LRRIQ1: variants seen among roughly 807,000 people sequenced by gnomAD.
LRRIQ1 encodes the protein leucine-rich repeat- and IQ domain-containing protein 1.
A neutral mutation model predicts 211.9 loss-of-function variants in LRRIQ1; 210 were observed. That is an observed-to-expected ratio of 0.99 (90% confidence interval 0.89 to 1.11). The LOEUF is 1.11. LRRIQ1 is among the 50% of genes most tolerant of loss of function. The pLI, the probability that LRRIQ1 is intolerant of heterozygous loss-of-function variation, is 0.00. For missense variants in LRRIQ1, 2,136 were observed against 1,939.5 expected (o/e 1.10, Z -1.90); for synonymous variants, 699 against 650.1 (o/e 1.08, Z -1.14).
intron 18 of LRRIQ1, among the ~76,000 whole-genome samples, chr12:85,131,558 G>GT (rs1473061166): frequency 6.6e-6 from 1 of 152,144 alleles, no homozygotes; most frequent in African/African-American, 2.4e-5. Context: ...AAAGGACAGT[G>GT]TAAGTAAAAT....
chr12:85,258,970 C>A (rs917469261), intron 1 of LRRIQ1, among the ~76,000 whole-genome samples: 1 of 151,702 alleles, frequency 6.6e-6, no homozygotes, highest in African/African-American at 2.4e-5. Flanking sequence ...TATATATAGA[C>A]CTTGACATTT....
the LRRIQ1 span, among the ~76,000 whole-genome samples, chr12:85,271,037 C>G: frequency 6.6e-6 from 1 of 152,136 alleles, no homozygotes; most frequent in African/African-American, 2.4e-5. Flanking sequence ...GGAAGACACT[C>G]GTGTTCTAAG....
Position 85,137,834 on chromosome 12 carries a change from T to C in LRRIQ1, c.4210-16T>C, listed in dbSNP as rs1331668376. ...GATCTATAACTTTGTATAACATACT[T>C]TACATTTTTGTTTAGGCAGTTTGGA... is the stretch of plus-strand genomic sequence containing the variant. On this transcript the variant is annotated splice_polypyrimidine_tract_variant and intron_variant, in intron 18 of 26. Transcript: ENST00000393217. 23 of 1,572,748 alleles carry C rather than the reference T, an allele frequency of 1.5e-5. No homozygotes were observed. The Middle Eastern group carries it at 6.9e-4, about 47-fold the overall frequency.
At chr12:85,221,709 A>G (rs1894409882) in intron 24 of LRRIQ1, among the ~76,000 whole-genome samples, 1 of 152,204 alleles carries the variant, frequency 6.6e-6, no homozygotes, top group African/African-American at 2.4e-5. Context: ...CATTTGGGGT[A>G]ACTACACTAT....
At position 85,207,558 on chromosome 12, in the gene LRRIQ1, G is replaced by A. The variant is rs544924122; in HGVS notation, c.4823-21959G>A. Among the ~76,000 whole-genome samples the A allele has an allele frequency of 2.6e-4, 39 of 151,974 alleles. No individual in the cohort carries two copies. The South Asian group carries it at 4.0e-3, about 15-fold the overall frequency. ...CTGAATTATCAATCATTTTTTTCATGGATTGTGCCCTTGATGTTGTATCTA... is the reference window on the plus strand; with the variant it reads ...CTGAATTATCAATCATTTTTTTCATAGATTGTGCCCTTGATGTTGTATCTA... On this transcript the variant is annotated intron_variant, in intron 24 of 26. Transcript: ENST00000393217.
intron 15 of LRRIQ1, among the ~76,000 whole-genome samples, chr12:85,119,073 A>G (rs1180150844): frequency 1.3e-5 from 2 of 152,120 alleles, no homozygotes; most frequent in African/African-American, 4.8e-5. Context: ...TTCATAATCT[A>G]TAAGTTTTGA....
At chr12:85,270,558 A>G in the LRRIQ1 span, among the ~76,000 whole-genome samples, 1 of 152,132 alleles carries the variant, frequency 6.6e-6, no homozygotes, top group Admixed American at 6.5e-5. Flanking sequence ...TTCTTAATGT[A>G]AATAGTTGAA....
chr12:85,132,155 A>G (rs1262207692), intron 18 of LRRIQ1, among the ~76,000 whole-genome samples: 1 of 152,024 alleles, frequency 6.6e-6, no homozygotes, highest in Non-Finnish European at 1.5e-5. Context: ...GGCTCATGTC[A>G]CTTAGCGCTG....
chr12:85,118,004 GT>G (rs1453566882), intron 15 of LRRIQ1, among the ~76,000 whole-genome samples: 2 of 152,078 alleles, frequency 1.3e-5, no homozygotes, highest in Non-Finnish European at 2.9e-5. Context: ...GTTATTACCA[GT>G]TTTATTTTCA....
intron 24 of LRRIQ1, among the ~76,000 whole-genome samples, chr12:85,175,150 G>T (rs1019246900): frequency 6.6e-6 from 1 of 152,076 alleles, no homozygotes; most frequent in African/African-American, 2.4e-5. Flanking sequence ...TATTTCCCTT[G>T]CAATCTTGCT....
chr12:85,242,251 T>C (rs565174000), intron 26 of LRRIQ1, among the ~76,000 whole-genome samples: 1 of 152,076 alleles, frequency 6.6e-6, no homozygotes, highest in Admixed American at 6.6e-5. Flanking sequence ...TGTGATCAGT[T>C]ATCTTCAGGT....
At chr12:85,138,038 C>T (rs1889262880) in intron 19 of LRRIQ1, 69 bp downstream of exon 19, 4 of 974,684 alleles carry the variant, frequency 4.1e-6, no homozygotes, top group South Asian at 3.7e-5. Context: ...TGAAGATAAA[C>T]CAGTTTCTAA....
At chr12:85,267,881 G>A (rs1756635089), downstream of LRRIQ1, among the ~76,000 whole-genome samples, 1 of 151,978 alleles carries the variant, frequency 6.6e-6, no homozygotes, top group South Asian at 2.1e-4. Context: ...TCTTGAACAA[G>A]TGACAAACTC....
chr12:85,226,553 T>C (rs1894665204), intron 24 of LRRIQ1, among the ~76,000 whole-genome samples: 1 of 151,110 alleles, frequency 6.6e-6, no homozygotes, highest in African/African-American at 2.4e-5. Flanking sequence ...TTTTTTACTT[T>C]AAGTTCTAGG....
chr12:85,115,365 A>G (rs995087703), intron 15 of LRRIQ1, among the ~76,000 whole-genome samples: 4 of 152,218 alleles, frequency 2.6e-5, no homozygotes, highest in African/African-American at 2.4e-5. Flanking sequence ...TAAGTAAATA[A>G]CATGAAGAAA....
intron 3 of LRRIQ1, among the ~76,000 whole-genome samples, chr12:85,040,858 T>A (rs947380525): frequency 1.3e-5 from 2 of 151,600 alleles, no homozygotes; most frequent in Non-Finnish European, 3.0e-5. Flanking sequence ...CCAGACATCC[T>A]ATTATTTTAT....
intron 15 of LRRIQ1, among the ~76,000 whole-genome samples, chr12:85,120,631 T>G (rs1186867599): frequency 6.6e-6 from 1 of 152,384 alleles, no homozygotes; most frequent in Non-Finnish European, 1.5e-5. Flanking sequence ...AACTTATATC[T>G]GGACAATATT....
chr12:85,208,401 C>T (rs1156368008), intron 24 of LRRIQ1, among the ~76,000 whole-genome samples: 1 of 151,946 alleles, frequency 6.6e-6, no homozygotes, highest in East Asian at 1.9e-4. Flanking sequence ...TCTAGAAATT[C>T]ACATTAATGC....
At chr12:85,237,829 T>C (rs1895263102) in intron 26 of LRRIQ1, among the ~76,000 whole-genome samples, 1 of 152,056 alleles carries the variant, frequency 6.6e-6, no homozygotes, top group South Asian at 2.1e-4. Context: ...TAACAGAGTT[T>C]AAAGGATGCT....
Sources: gnomAD v4.1 joint callset for allele counts (sites outside exome capture counted in the v4.1 genomes callset) on GRCh38, gnomAD v4.1.1 for gene constraint, MANE v1.5 for transcripts, NCBI Gene and HGNC (gene_info 2026-07-23, HGNC 2026-07-21) for gene names.